GOSR2: variants seen among roughly 807,000 people sequenced by gnomAD.
The protein encoded by GOSR2 is 27 kDa Golgi SNARE protein.
In GOSR2, 20 loss-of-function variants were observed where a neutral mutation model predicts 27.9. The ratio of observed to expected loss-of-function variants is 0.72; its 90% CI spans 0.50 to 1.04. The LOEUF is 1.04. GOSR2 is among the 50% of genes least tolerant of loss of function. The pLI is 0.00. For missense variants in GOSR2, 261 were observed against 270.5 expected, an observed-to-expected ratio of 0.97 and a Z score of 0.25; for synonymous variants, 91 against 98.8, an observed-to-expected ratio of 0.92 and a Z score of 0.47.
At chr17:46,945,227 T>C (rs2089742410), downstream of GOSR2, among the ~76,000 whole-genome samples, 1 of 152,188 alleles carries the variant, frequency 6.6e-6, no homozygotes, top group South Asian at 2.1e-4. Flanking sequence ...CCTGATGTGC[T>C]GTCTTCTGCA....
chr17:46,955,932 C>T (rs564765141), intron 6 of GOSR2, among the ~76,000 whole-genome samples: 5 of 152,240 alleles, frequency 3.3e-5, no homozygotes, highest in South Asian at 2.1e-4. Flanking sequence ...TTCCTGAGGG[C>T]GAAGACTCTA....
At chr17:46,925,851 G>A (rs991918983) in intron 1 of GOSR2, among the ~76,000 whole-genome samples, 1 of 152,188 alleles carries the variant, frequency 6.6e-6, no homozygotes, top group Non-Finnish European at 1.5e-5. Context: ...ATGAATGAAT[G>A]AAAATAATGA....
chr17:46,972,131 G>A lies in GOSR2; in HGVS notation c.616-3068G>A, dbSNP rs537866923. 4.2e-4 allele frequency among the ~76,000 whole-genome samples: 64 copies of A among 152,260 alleles called. 1 individual carries two copies. The highest frequency in any genetic ancestry group is 1.2e-3 in the Admixed American group (18 of 15,294). ...CACCCGGAGGGGACAGCCTGCTGTG[G>A]TGGGCACTGTGCTGGGCCCAGGCTG... is the stretch of plus-strand genomic sequence containing the variant. On this transcript the variant is annotated intron_variant, in intron 6 of 6. Transcript: ENST00000640723.
chr17:46,929,052 A>T (rs1295303909), intron 1 of GOSR2, among the ~76,000 whole-genome samples: 2 of 151,784 alleles, frequency 1.3e-5, no homozygotes, highest in African/African-American at 4.8e-5. Flanking sequence ...ATTCCTCATT[A>T]TGTTGTTTCT....
At chr17:46,949,168 A>G (rs1947988755) in intron 6 of GOSR2, 1 of 152,208 alleles carries the variant, frequency 6.6e-6, no homozygotes, top group African/African-American at 2.4e-5. Context: ...GGGGCCTCAG[A>G]TGGAAGATTT....
intron 6 of GOSR2, among the ~76,000 whole-genome samples, chr17:46,951,122 A>G (rs2090310721): frequency 6.6e-6 from 1 of 152,128 alleles, no homozygotes. Context: ...TGAGGGCATC[A>G]TCTCTCCACA....
At chr17:46,929,433 A>C (rs16941283) in intron 1 of GOSR2, 87 bp from the exon 2 acceptor site, 7 of 774,364 alleles carry the variant, frequency 9.0e-6, no homozygotes, top group Admixed American at 1.7e-5. Flanking sequence ...AATCAGTTAC[A>C]TGTTGGCATC....
chr17:46,923,529 A>G (rs988700582), intron 1 of GOSR2: 4 of 1,347,564 alleles, frequency 3.0e-6, no homozygotes, highest in Middle Eastern at 2.7e-4. Context: ...TTTGTCCAGC[A>G]CTTGTCAACT....
chr17:46,953,882 GGTT>G (rs1319231925), intron 6 of GOSR2, among the ~76,000 whole-genome samples: 4 of 152,074 alleles, frequency 2.6e-5, no homozygotes, highest in African/African-American at 9.7e-5. Flanking sequence ...TTGTTGATGG[GGTT>G]GTTTTTTTCT....
chr17:46,951,821 C>T (rs368942176), intron 6 of GOSR2, among the ~76,000 whole-genome samples: 2 of 152,202 alleles, frequency 1.3e-5, no homozygotes, highest in Non-Finnish European at 2.9e-5. Flanking sequence ...TCTCTTCCCC[C>T]ACTCTGCCCG....
intron 5 of GOSR2, chr17:46,937,588 T>G (rs923997567): frequency 2.0e-5 from 3 of 152,218 alleles, no homozygotes; most frequent in African/African-American, 7.2e-5. Context: ...CCCTTCCCAG[T>G]CAGTTGACCC....
chr17:46,942,944 T>C (rs1359178964), downstream of GOSR2, among the ~76,000 whole-genome samples: 1 of 152,112 alleles, frequency 6.6e-6, no homozygotes, highest in Non-Finnish European at 1.5e-5. Flanking sequence ...CATCCCCATG[T>C]CCCTCTAGTA....
intron 1 of GOSR2, chr17:46,923,493 A>T (rs1276070603): frequency 1.4e-6 from 2 of 1,383,018 alleles, no homozygotes; most frequent in African/African-American, 2.9e-5. Context: ...GGGTGACGGG[A>T]AACTGGCACC....
intron 5 of GOSR2, chr17:46,935,592 C>T (rs1165581109): frequency 2.8e-6 from 3 of 1,081,478 alleles, no homozygotes; most frequent in Non-Finnish European, 3.4e-6. Flanking sequence ...TAACTAAAAC[C>T]TTTTGTATTT....
chr17:46,924,662 G>C (rs958893518), intron 1 of GOSR2, among the ~76,000 whole-genome samples: 2 of 152,096 alleles, frequency 1.3e-5, no homozygotes, highest in Non-Finnish European at 2.9e-5. Context: ...TGTTTCATTT[G>C]GACAGGCGAA....
At chr17:46,942,462 A>G (rs934063133), downstream of GOSR2, among the ~76,000 whole-genome samples, 2 of 152,192 alleles carry the variant, frequency 1.3e-5, no homozygotes, top group African/African-American at 2.4e-5. Flanking sequence ...CCCCTCATCC[A>G]GCTTGGAACC....
chr17:46,968,288 T>C (rs932874306), downstream of GOSR2, among the ~76,000 whole-genome samples: 14 of 152,186 alleles, frequency 9.2e-5, no homozygotes, highest in Non-Finnish European at 1.9e-4. Context: ...CCCTCCGCAC[T>C]GTGGACACCC....
chr17:46,944,202 G>T (rs1410469215), downstream of GOSR2, among the ~76,000 whole-genome samples: 1 of 152,248 alleles, frequency 6.6e-6, no homozygotes, highest in East Asian at 1.9e-4. Flanking sequence ...TCCAGTGCCA[G>T]TGTTAGCTGT....
chr17:46,952,718 GAGAGACAGAGAA>G (rs1029372954), intron 6 of GOSR2: 7 of 152,202 alleles, frequency 4.6e-5, no homozygotes, highest in African/African-American at 1.7e-4. Flanking sequence ...AAAACAGAGA[GAGAGACAGAGAA>G]AGAGATGGCA....
Sources: gnomAD v4.1 joint callset for allele counts (sites outside exome capture counted in the v4.1 genomes callset) on GRCh38, gnomAD v4.1.1 for gene constraint, MANE v1.5 for transcripts, NCBI Gene and HGNC (gene_info 2026-07-23, HGNC 2026-07-21) for gene names.